Variants in NOTCH2 observed in about 807,000 individuals in gnomAD.
NOTCH2 encodes the protein neurogenic locus notch homolog protein 2.
NOTCH2 carries 29 observed loss-of-function variants against 235.8 expected under a neutral mutation model. That is an observed-to-expected ratio of 0.12 (90% CI 0.09 to 0.17). The LOEUF (loss-of-function observed/expected upper bound fraction) is 0.17. Ranked by LOEUF, NOTCH2 falls within the 10% of genes least tolerant of loss-of-function variation. The pLI, the probability that NOTCH2 is intolerant of heterozygous loss-of-function variation, is 1.00. For synonymous variants in NOTCH2, 1,086 were observed against 1,141.5 expected (o/e 0.95, Z 0.98); for missense variants, 2,285 against 3,150.2 (o/e 0.73, Z 6.57).
intron 3 of NOTCH2, among the ~76,000 whole-genome samples, chr1:119,999,976 A>AAAGAAAGAAAGAAAGAAAGG (rs1270244149): frequency 7.1e-5 from 4 of 56,660 alleles, no homozygotes; most frequent in East Asian, 4.8e-4. Flanking sequence ...AGAAAGAAAG[A>AAAGAAAGAAAGAAAGAAAGG]AAGGAAGGAA....
rs887306079 is a variant in NOTCH2 at position 119,919,573 on chromosome 1, G to A, written c.5520C>T (p.Gly1840=). Residue 1840 remains glycine, a synonymous_variant, in exon 31 of 34, where the codon GGC becomes GGT. Coordinates refer to ENST00000256646, the MANE Select transcript of NOTCH2 (RefSeq NM_024408.4). ...TPLMLASLRG[G]SSDLSDEDED... ...CATCTTCATCACTCAAATCTGAGCT[G>A]CCTCCTCGGAGAGAAGCCAACATCA... 1 of 1,614,054 alleles carries A rather than the reference G, an allele frequency of 6.2e-7. No individual in the cohort carries two copies. Among genetic ancestry groups the A allele is most frequent in the African/African-American group, 1.3e-5 (1 of 74,954 alleles).
chr1:119,974,046 A>C (rs1447492603), intron 5 of NOTCH2, among the ~76,000 whole-genome samples: 2 of 152,208 alleles, frequency 1.3e-5, no homozygotes, highest in African/African-American at 4.8e-5. Flanking sequence ...AGGGATTAAA[A>C]GCAAATGACT....
chr1:119,934,741 G>C (rs899337324), intron 22 of NOTCH2, among the ~76,000 whole-genome samples: 11 of 152,238 alleles, frequency 7.2e-5, no homozygotes, highest in African/African-American at 2.7e-4. Flanking sequence ...TTTCTCACCA[G>C]TGTGGATGGC....
rs372465730 is a variant in NOTCH2, at chr1:119,916,698, C to T, written c.6028-4G>A. 51 of 1,613,954 alleles carry T rather than the reference C, an allele frequency of 3.2e-5. No individual in the cohort carries two copies. Among genetic ancestry groups the T allele is most frequent in the Non-Finnish European group, 4.0e-5 (47 of 1,179,994 alleles). On this transcript the variant is annotated splice_polypyrimidine_tract_variant and splice_region_variant and intron_variant, in intron 33 of 33. Coordinates refer to ENST00000256646, the MANE Select transcript of NOTCH2 (RefSeq NM_024408.4). ...CAAGAAACAGAGGTGTCTCTTCCTACAGAAAAGGCCCATCACAGAACACAT... is the reference window on the plus strand; with the variant it reads ...CAAGAAACAGAGGTGTCTCTTCCTATAGAAAAGGCCCATCACAGAACACAT...
At chr1:120,064,543 C>T (rs1327697761) in intron 1 of NOTCH2, among the ~76,000 whole-genome samples, 1 of 152,134 alleles carries the variant, frequency 6.6e-6, no homozygotes, top group East Asian at 1.9e-4. Context: ...GTGACTAAGA[C>T]CTGCTGCTCA....
intron 1 of NOTCH2, among the ~76,000 whole-genome samples, chr1:120,058,184 G>GA (rs1426761329): frequency 4.6e-5 from 7 of 151,350 alleles, no homozygotes; most frequent in South Asian, 4.2e-4. Flanking sequence ...AATCAAAAAA[G>GA]AAAAAAAAAT....
At position 119,937,930 on chromosome 1, in the gene NOTCH2, T is replaced by C. The variant is rs782227453; in HGVS notation, c.3264A>G (p.Leu1088=). The C allele has an allele frequency of 3.5e-5, 57 of 1,614,058 alleles. No homozygotes were observed. The highest frequency in any genetic ancestry group is 4.5e-5 in the Non-Finnish European group (53 of 1,180,016). Residue 1088 remains leucine, a synonymous_variant, in exon 20 of 34, where the codon CTA becomes CTG. Transcript: ENST00000256646. The part of the protein sequence containing the change: ...CVQKKAESQC[L]CPSGWAGAYC... ...AGGCACCAGCCCATCCAGATGGACA[T>C]AGGCACTGGGACTCTGCTTTTTTCT...
At chr1:120,012,310 T>C (rs1553207116) in intron 2 of NOTCH2, among the ~76,000 whole-genome samples, 2 of 141,278 alleles carry the variant, frequency 1.4e-5, no homozygotes, top group African/African-American at 5.4e-5. Context: ...AGAGCGCAGT[T>C]CAAGAAAGAA....
At chr1:120,047,878 C>T (rs1654852018) in intron 1 of NOTCH2, among the ~76,000 whole-genome samples, 1 of 131,064 alleles carries the variant, frequency 7.6e-6, no homozygotes, top group African/African-American at 3.0e-5. Context: ...GATTCTCCTG[C>T]CTCAGCCTCC....
intron 1 of NOTCH2, 41 bp downstream of exon 1, chr1:120,069,293 C>A (rs1553217868): frequency 2.0e-6 from 3 of 1,534,138 alleles, no homozygotes; most frequent in Non-Finnish European, 2.6e-6. Context: ...CAGGTGGCAG[C>A]CCCGGGCGCC....
intron 2 of NOTCH2, among the ~76,000 whole-genome samples, chr1:120,029,417 G>A (rs2603919): frequency 6.6e-6 from 1 of 151,642 alleles, no homozygotes; most frequent in African/African-American, 2.4e-5. Context: ...ATGATGTGGT[G>A]TCAGCTCACT....
Position 119,967,632 on chromosome 1 carries a change from C to A in NOTCH2, c.1265-11G>T. 6.2e-7 allele frequency: 1 copy of A among 1,613,480 alleles called. No homozygotes were observed. Among genetic ancestry groups the A allele is most frequent in the East Asian group, 2.2e-5 (1 of 44,868 alleles). ...AAGGATTGCTATTGGCTGAAAGACA[C>A]AAGTACCAATTACTGGGATCAAAGC... On this transcript the variant is annotated splice_polypyrimidine_tract_variant and intron_variant, in intron 7 of 33. Transcript: ENST00000256646.
chr1:120,023,226 A>G (rs1391185263), intron 2 of NOTCH2, among the ~76,000 whole-genome samples: 5 of 151,070 alleles, frequency 3.3e-5, no homozygotes, highest in African/African-American at 1.2e-4. Context: ...TCATGAGGTC[A>G]GGAGATAGAG....
chr1:119,970,798 C>A (rs1469182439), intron 5 of NOTCH2, among the ~76,000 whole-genome samples: 1 of 152,138 alleles, frequency 6.6e-6, no homozygotes, highest in Non-Finnish European at 1.5e-5. Flanking sequence ...AGAGAGCTAT[C>A]AAAGGAACTA....
Position 119,955,244 on chromosome 1 carries a change from G to A in NOTCH2, c.2027-12C>T, listed in dbSNP as rs782118541. On this transcript the variant is annotated splice_polypyrimidine_tract_variant and intron_variant, in intron 12 of 33. Coordinates refer to ENST00000256646, the MANE Select transcript of NOTCH2 (RefSeq NM_024408.4). Reference sequence around the variant, plus strand: ...GTTACATCTCTGCCCTGTGGAGAAGGGGGACAGTGTTAGTCACATCCTAAA... The same window carrying A: ...GTTACATCTCTGCCCTGTGGAGAAGAGGGACAGTGTTAGTCACATCCTAAA... 8.1e-6 allele frequency: 13 copies of A among 1,613,528 alleles called. No homozygotes were observed. The highest frequency in any genetic ancestry group is 1.7e-5 in the Admixed American group (1 of 60,018).
At chr1:119,956,881 T>G (rs587725786) in intron 12 of NOTCH2, among the ~76,000 whole-genome samples, 1 of 152,310 alleles carries the variant, frequency 6.6e-6, no homozygotes, top group South Asian at 2.1e-4. Context: ...ATCAGGAAGG[T>G]CCTACCCTCA....
At chr1:119,997,853 G>A (rs327191) in intron 3 of NOTCH2, among the ~76,000 whole-genome samples, 6,334 of 113,428 alleles carry the variant, frequency 0.056, 207 homozygotes, top group African/African-American at 0.14. Context: ...GCGCACCTGT[G>A]ATCCCAGCTA....
chr1:119,945,369 G>A (rs897129854), intron 17 of NOTCH2, among the ~76,000 whole-genome samples: 16 of 152,022 alleles, frequency 1.1e-4, no homozygotes, highest in Non-Finnish European at 1.9e-4. Flanking sequence ...GGCATATTTT[G>A]AAGCCAGCCA....
At chr1:120,001,289 A>G (rs1286563031) in intron 3 of NOTCH2, among the ~76,000 whole-genome samples, 1 of 151,592 alleles carries the variant, frequency 6.6e-6, no homozygotes, top group Admixed American at 6.6e-5. Flanking sequence ...ATCCCGAGGG[A>G]AACTTTGGAG....
Sources: allele counts gnomAD v4.1 joint callset (sites outside exome capture counted in the v4.1 genomes callset), GRCh38; gene constraint gnomAD v4.1.1; transcripts MANE v1.5; gene names NCBI Gene and HGNC (gene_info 2026-07-23, HGNC 2026-07-21).